Variants in PCDH15 observed in about 807,000 individuals in gnomAD.
The protein encoded by PCDH15 is protocadherin related 15.
Under a neutral mutation model 178.5 loss-of-function variants are expected in PCDH15, and 129 were observed. That is an observed-to-expected ratio of 0.72 (90% CI 0.63 to 0.84). The LOEUF (loss-of-function observed/expected upper bound fraction) is 0.84, where lower values mean the gene tolerates loss of function less well. Among genes scored for constraint, PCDH15 ranks in the 40% least tolerant of loss-of-function variants. PCDH15 has a pLI of 0.00. For missense variants in PCDH15, 2,230 were observed against 2,099.9 expected, an observed-to-expected ratio of 1.06 and a Z score of -1.21; for synonymous variants, 800 against 732.0, an observed-to-expected ratio of 1.09 and a Z score of -1.50.
At chr10:54,364,898 A>G (rs1946580110) in intron 5 of PCDH15, among the ~76,000 whole-genome samples, 1 of 152,030 alleles carries the variant, frequency 6.6e-6, no homozygotes, top group South Asian at 2.1e-4. Flanking sequence ...GGGTTCCTTC[A>G]AGAGTATTCT....
intron 3 of PCDH15, among the ~76,000 whole-genome samples, chr10:54,435,957 G>T (rs1384041279): frequency 6.6e-6 from 1 of 150,820 alleles, no homozygotes; most frequent in East Asian, 2.0e-4. Flanking sequence ...GCAACAGAGC[G>T]AGACTCCATC....
At chr10:54,689,023 T>G (rs1836100078) in intron 1 of PCDH15, among the ~76,000 whole-genome samples, 1 of 152,050 alleles carries the variant, frequency 6.6e-6, no homozygotes, top group African/African-American at 2.4e-5. Flanking sequence ...AAAAAGTAAT[T>G]CAATATTTTT....
At chr10:54,401,031 A>AT (rs1951869142) in intron 3 of PCDH15, among the ~76,000 whole-genome samples, 1 of 151,966 alleles carries the variant, frequency 6.6e-6, no homozygotes, top group African/African-American at 2.4e-5. Context: ...CAGGACATGT[A>AT]TTTTCGAAAC....
chr10:55,537,283 G>A (rs911307605), intron 2 of PCDH15, among the ~76,000 whole-genome samples: 1 of 152,000 alleles, frequency 6.6e-6, no homozygotes, highest in Non-Finnish European at 1.5e-5. Context: ...TAATTTTATA[G>A]TTAATCAAAT....
chr10:53,811,592 G>T lies in PCDH15; in HGVS notation c.4519C>A (p.Pro1507Thr). 1.9e-6 allele frequency: 3 copies of T among 1,568,960 alleles called. No homozygotes were observed. The highest frequency in any genetic ancestry group is 2.6e-6 in the Non-Finnish European group (3 of 1,157,382). ...TAATCTTGTCCATATTCCTGGCCAG[G>T]ATCAATTCCAGACTCCATGGATAAT... Reference protein sequence around the residue: ...EELSMESGIDPGQEYGQDYYS... With the variant: ...EELSMESGIDTGQEYGQDYYS... Residue 1507 changes from proline (P) to threonine (T), a missense_variant, in exon 36 of 38, where the codon CCT (proline) becomes ACT (threonine). By Grantham distance (38) the Pro-to-Thr change is conservative. Coordinates refer to ENST00000644397, the MANE Select transcript of PCDH15 (RefSeq NM_001384140.1).
intron 3 of PCDH15, among the ~76,000 whole-genome samples, chr10:54,871,831 C>G (rs1458272546): frequency 6.6e-6 from 1 of 152,080 alleles, no homozygotes; most frequent in East Asian, 1.9e-4. Flanking sequence ...CTCCAACTCA[C>G]ATACATCCAT....
At chr10:54,263,951 C>G (rs1266015391) in intron 8 of PCDH15, among the ~76,000 whole-genome samples, 1 of 152,146 alleles carries the variant, frequency 6.6e-6, no homozygotes, top group Non-Finnish European at 1.5e-5. Context: ...GAAGAGCAGA[C>G]TTACTGAGTC....
intron 2 of PCDH15, among the ~76,000 whole-genome samples, chr10:54,903,162 T>A (rs117833151): frequency 0.018 from 2,699 of 152,182 alleles, 29 homozygotes; most frequent in Non-Finnish European, 0.027. Flanking sequence ...GGAAACAGAC[T>A]AGGTACGAAA....
intron 2 of PCDH15, among the ~76,000 whole-genome samples, chr10:55,147,635 C>CCTAT: frequency 8.2e-6 from 1 of 121,776 alleles, no homozygotes; most frequent in Admixed American, 9.4e-5. Flanking sequence ...TCCTTTTCTC[C>CCTAT]CTATCTTTCC....
chr10:55,343,733 A>G (rs916936049), intron 2 of PCDH15, among the ~76,000 whole-genome samples: 2 of 152,148 alleles, frequency 1.3e-5, no homozygotes, highest in Non-Finnish European at 2.9e-5. Flanking sequence ...CTGAGGGTGG[A>G]AGTAAATGAT....
chr10:54,264,559 G>A (rs956331989), intron 8 of PCDH15, among the ~76,000 whole-genome samples: 8 of 152,094 alleles, frequency 5.3e-5, no homozygotes, highest in African/African-American at 1.4e-4. Context: ...GCTATATTAA[G>A]AAAGAGCCAA....
intron 2 of PCDH15, among the ~76,000 whole-genome samples, chr10:54,614,857 T>A (rs2093079401): frequency 6.6e-6 from 1 of 152,014 alleles, no homozygotes; most frequent in Non-Finnish European, 1.5e-5. Flanking sequence ...ATATTTTTAA[T>A]CTAGAGTTTC....
At chr10:54,883,172 T>C (rs1954294371) in intron 3 of PCDH15, among the ~76,000 whole-genome samples, 1 of 152,074 alleles carries the variant, frequency 6.6e-6, no homozygotes, top group Admixed American at 6.6e-5. Flanking sequence ...ACAGCTACTC[T>C]CTTGAATTTA....
intron 3 of PCDH15, among the ~76,000 whole-genome samples, chr10:54,392,611 A>G (rs1338114031): frequency 6.6e-6 from 1 of 151,790 alleles, no homozygotes; most frequent in Non-Finnish European, 1.5e-5. Flanking sequence ...CCAAAAAAAA[A>G]TCTGTGGCCA....
chr10:55,393,053 A>C (rs1190090133), intron 2 of PCDH15, among the ~76,000 whole-genome samples: 1 of 150,444 alleles, frequency 6.6e-6, no homozygotes, highest in Non-Finnish European at 1.5e-5. Flanking sequence ...TTTTGTTTTA[A>C]TGAAAGTCCA....
chr10:54,715,611 C>T (rs906372305), intron 1 of PCDH15, among the ~76,000 whole-genome samples: 1 of 152,050 alleles, frequency 6.6e-6, no homozygotes, highest in Non-Finnish European at 1.5e-5. Context: ...CTTTCATGGC[C>T]AGACATATCT....
chr10:55,073,841 T>G (rs1312778182), intron 2 of PCDH15, among the ~76,000 whole-genome samples: 1 of 152,054 alleles, frequency 6.6e-6, no homozygotes, highest in African/African-American at 2.4e-5. Context: ...TAAGTACTAC[T>G]TTTCCTAATG....
intron 2 of PCDH15, among the ~76,000 whole-genome samples, chr10:55,598,018 G>C (rs2132139270): frequency 6.6e-6 from 1 of 152,156 alleles, no homozygotes; most frequent in East Asian, 1.9e-4. Context: ...CATAAACGCA[G>C]CTCAAAACAC....
intron 2 of PCDH15, among the ~76,000 whole-genome samples, chr10:55,456,718 G>C (rs1839561849): frequency 6.6e-6 from 1 of 151,764 alleles, no homozygotes; most frequent in Non-Finnish European, 1.5e-5. Flanking sequence ...CATAAATTTA[G>C]GTATGCCAAT....
Sources: allele counts gnomAD v4.1 joint callset (sites outside exome capture counted in the v4.1 genomes callset), GRCh38; gene constraint gnomAD v4.1.1; transcripts MANE v1.5; gene names NCBI Gene and HGNC (gene_info 2026-07-23, HGNC 2026-07-21).